MAGEC3: variants seen among roughly 807,000 people sequenced by gnomAD.
MAGEC3 encodes the protein MAGE family member C3.
Under a neutral mutation model 35.3 loss-of-function variants are expected in MAGEC3, and 34 were observed. The observed-to-expected ratio is 0.96, with a 90% CI of 0.73 to 1.28. The LOEUF (loss-of-function observed/expected upper bound fraction) is 1.28, where lower values mean the gene tolerates loss of function less well. Among genes scored for constraint, MAGEC3 ranks in the 50% most tolerant of loss-of-function variants. MAGEC3 has a pLI of 0.00. For missense variants in MAGEC3, 561 were observed against 483.6 expected (o/e 1.16, Z -1.50); for synonymous variants, 202 against 185.6 (o/e 1.09, Z -0.72).
intron 1 of MAGEC3, among the ~76,000 whole-genome samples, chrX:141,858,055 C>G (rs138266741): frequency 0.011 from 1,165 of 110,664 alleles, 20 homozygotes; most frequent in African/African-American, 0.036. Flanking sequence ...ACTAATTTCC[C>G]ATTTAAGGTG....
At position 141,865,568 on chromosome X, in the gene MAGEC3, G is replaced by A. The variant is rs777086857; in HGVS notation, c.221G>A (p.Arg74Gln). 6 of 1,208,264 alleles carry A rather than the reference G, an allele frequency of 5.0e-6. No individual in the cohort carries two copies. The highest frequency in any genetic ancestry group is 2.3e-4 in the Middle Eastern group (1 of 4,344). ...CTGAGGGGTGGAACTTCAGATCAGCGAATGGATAGTCTTGTCCTCTGCCCC... is the reference window on the plus strand; with the variant it reads ...CTGAGGGGTGGAACTTCAGATCAGCAAATGGATAGTCTTGTCCTCTGCCCC... Reference protein sequence around the residue: ...LFLRGGTSDQRMDSLVLCPTY... With the variant: ...LFLRGGTSDQQMDSLVLCPTY... Residue 74 changes from arginine (R) to glutamine (Q), a missense_variant, in exon 2 of 8, where the codon CGA becomes CAA. Physicochemically the swap from Arg to Gln is conservative, Grantham distance 43. Transcript: ENST00000298296.
At chrX:141,868,661 A>G (rs1471559581) in intron 2 of MAGEC3, among the ~76,000 whole-genome samples, 1 of 110,176 alleles carries the variant, frequency 9.1e-6, no homozygotes. Flanking sequence ...ACCATTAAAT[A>G]CCTATGAGTT....
At position 141,865,607 on chromosome X, in the gene MAGEC3, T is replaced by C. The variant is rs2017843503; in HGVS notation, c.258+2T>C. Reference sequence around the variant, plus strand: ...GTCCTCTGCCCCACATACTTCAAGGTAAGGACTCTAAGGAAAGACTGAGGG... The same window carrying C: ...GTCCTCTGCCCCACATACTTCAAGGCAAGGACTCTAAGGAAAGACTGAGGG... On this transcript the variant is annotated splice_donor_variant, in intron 2 of 7. Coordinates refer to ENST00000298296, the MANE Select transcript of MAGEC3 (RefSeq NM_138702.1). LOFTEE classifies it high-confidence loss of function. The C allele has an allele frequency of 1.7e-6, 2 of 1,194,931 alleles. No individual in the cohort carries two copies. Among genetic ancestry groups the C allele is most frequent in the Admixed American group, 2.2e-5 (1 of 44,859 alleles).
At chrX:141,854,779 C>T (rs888868406) in intron 1 of MAGEC3, among the ~76,000 whole-genome samples, 4 of 111,472 alleles carry the variant, frequency 3.6e-5, no homozygotes, top group African/African-American at 1.3e-4. Flanking sequence ...ATGTTCCAGT[C>T]AAAAGATTCT....
intron 2 of MAGEC3, among the ~76,000 whole-genome samples, chrX:141,872,799 C>A (rs1423367528): frequency 1.8e-5 from 2 of 112,147 alleles, no homozygotes; most frequent in Non-Finnish European, 3.8e-5. Context: ...TGAGAGTCCA[C>A]TGGGGAGTAG....
chrX:141,850,312 C>T (rs1371697994), intron 1 of MAGEC3, among the ~76,000 whole-genome samples: 2 of 110,543 alleles, frequency 1.8e-5, no homozygotes, highest in Non-Finnish European at 3.8e-5. Context: ...ATACTCCAAC[C>T]TCAGCACTGT....
chrX:141,865,971 G>A (rs954372202), intron 2 of MAGEC3, among the ~76,000 whole-genome samples: 1 of 110,981 alleles, frequency 9.0e-6, no homozygotes, highest in Non-Finnish European at 1.9e-5. Context: ...TCCTTTTAGA[G>A]GATTTCATGG....
chrX:141,897,659 G>A lies in MAGEC3; in HGVS notation c.1759G>A (p.Glu587Lys), dbSNP rs1471608549. Residue 587 changes from glutamate to lysine, a missense_variant, in exon 8 of 8, where the codon GAG becomes AAG. Physicochemically the swap from Glu to Lys is moderately conservative, Grantham distance 56 (BLOSUM62 1). Transcript: ENST00000298296. ...PIQRPAREVL[E>K]FLSKLSSIIP... The stretch of plus-strand genomic sequence containing the variant: ...TCAGAGGCCAGCAAGAGAAGTCTTA[G>A]AGTTTTTATCCAAGCTATCCAGTAT... The A allele has an allele frequency of 9.9e-6, 12 of 1,209,131 alleles. No individual in the cohort carries two copies. The highest frequency in any genetic ancestry group is 1.1e-5 in the Non-Finnish European group (10 of 894,903).
intron 4 of MAGEC3, among the ~76,000 whole-genome samples, chrX:141,886,958 C>T (rs748422006): frequency 8.0e-5 from 9 of 111,817 alleles, no homozygotes; most frequent in African/African-American, 2.9e-4. Flanking sequence ...ACCACATCCC[C>T]CTTCAACTCT....
rs1039704501 is a variant in MAGEC3, at chrX:141,869,245, G to GT, written c.258+3650dup. ...AGTTAAAGCCTTGGTAAAATAACCA[G>GT]TTTTTTTTTTAATTGTGTTCTGTTA... On this transcript the variant is annotated intron_variant, in intron 2 of 7. Transcript: ENST00000298296. Among the ~76,000 whole-genome samples the GT allele has an allele frequency of 9.3e-4, 100 of 107,424 alleles. No individual in the cohort carries two copies. In the South Asian group the frequency reaches 0.022, roughly 24 times the overall value. 93.3% of individuals were successfully genotyped at this position (107,424 alleles called of 115,157 possible). A position where few individuals can be genotyped will look rare whatever the true frequency, so the allele number is the denominator to read the frequency against.
intron 2 of MAGEC3, among the ~76,000 whole-genome samples, chrX:141,871,745 GA>G (rs2017889175): frequency 9.0e-6 from 1 of 111,672 alleles, no homozygotes; most frequent in Non-Finnish European, 1.9e-5. Flanking sequence ...ATTAGACATG[GA>G]GAAAGGGACA....
At chrX:141,891,037 T>TA (rs756792384) in intron 4 of MAGEC3, among the ~76,000 whole-genome samples, 3 of 112,023 alleles carry the variant, frequency 2.7e-5, no homozygotes, top group African/African-American at 9.7e-5. Context: ...TTCTGGAGGC[T>TA]AAAAAATCCA....
chrX:141,871,211 T>C (rs1421143851), intron 2 of MAGEC3, among the ~76,000 whole-genome samples: 1 of 111,920 alleles, frequency 8.9e-6, no homozygotes, highest in Non-Finnish European at 1.9e-5. Context: ...AATTGGATTA[T>C]TGGCCTTCAG....
rs780585307 is a variant in MAGEC3 at position 141,897,035 on chromosome X, C to A, written c.1277C>A (p.Thr426Asn). The A allele has an allele frequency of 8.3e-7, 1 of 1,209,266 alleles. No homozygotes were observed. Among genetic ancestry groups the A allele is most frequent in the Admixed American group, 2.2e-5 (1 of 45,697 alleles). Reference sequence around the variant, plus strand: ...TCCTGCTCATCCCCTCTTTTGTGGACCCGATTGGATGAGGAGTCCAGCAGT... The same window carrying A: ...TCCTGCTCATCCCCTCTTTTGTGGAACCGATTGGATGAGGAGTCCAGCAGT... ...LDSCSSPLLW[T>N]RLDEESSSEE... Residue 426 changes from threonine (T) to asparagine (N), a missense_variant, in exon 7 of 8, where the codon ACC becomes AAC. Thr to Asn is a moderately conservative substitution (Grantham distance 65). Transcript: ENST00000298296.
chrX:141,882,899 G>A (rs1027763424), intron 4 of MAGEC3, among the ~76,000 whole-genome samples: 18 of 112,197 alleles, frequency 1.6e-4, no homozygotes, highest in African/African-American at 5.8e-4. Flanking sequence ...AAGTCCCTGA[G>A]CTAAGGTAGT....
chrX:141,857,908 A>G (rs751444933), intron 1 of MAGEC3, among the ~76,000 whole-genome samples: 1 of 111,416 alleles, frequency 9.0e-6, no homozygotes, highest in Non-Finnish European at 1.9e-5. Context: ...TATTTTGAGC[A>G]CCTCGAACAG....
intron 4 of MAGEC3, 94 bp downstream of exon 4, chrX:141,881,890 G>A: frequency 9.7e-7 from 1 of 1,026,476 alleles, no homozygotes; most frequent in Admixed American, 2.3e-5. Context: ...GTAGCGACAT[G>A]TGCCCAGTAG....
At chrX:141,847,056 G>T (rs1374232918) in intron 1 of MAGEC3, among the ~76,000 whole-genome samples, 2 of 111,073 alleles carry the variant, frequency 1.8e-5, no homozygotes, top group Non-Finnish European at 1.9e-5. Flanking sequence ...ACATGAATGA[G>T]AATATCTGAA....
chrX:141,893,879 C>G (rs926608159), intron 4 of MAGEC3, among the ~76,000 whole-genome samples: 20 of 110,943 alleles, frequency 1.8e-4, no homozygotes, highest in Non-Finnish European at 2.3e-4. Flanking sequence ...AAAAAGATGA[C>G]CAACGTCATT....
Sources: allele counts gnomAD v4.1 joint callset (sites outside exome capture counted in the v4.1 genomes callset), GRCh38; gene constraint gnomAD v4.1.1; transcripts MANE v1.5; gene names NCBI Gene and HGNC (gene_info 2026-07-23, HGNC 2026-07-21).